The following FBLN7 variants were observed in gnomAD, a reference collection of about 807,000 sequenced individuals.
FBLN7 encodes the protein fibulin-7.
Under a neutral mutation model 44.0 loss-of-function variants are expected in FBLN7, and 31 were observed. The ratio of observed to expected loss-of-function variants is 0.70; its 90% CI spans 0.53 to 0.95. The LOEUF (loss-of-function observed/expected upper bound fraction) is 0.95, where lower values mean the gene tolerates loss of function less well. Among genes scored for constraint, FBLN7 ranks in the 40% least tolerant of loss-of-function variants. FBLN7 has a pLI of 0.00. For synonymous variants in FBLN7, 262 were observed against 253.4 expected (o/e 1.03, Z -0.32); for missense variants, 573 against 618.5 (o/e 0.93, Z 0.78).
chr2:112,182,943 A>C lies in FBLN7; in HGVS notation c.808+15A>C. The C allele has an allele frequency of 6.2e-7, 1 of 1,610,828 alleles. No homozygotes were observed. The highest frequency in any genetic ancestry group is 8.5e-7 in the Non-Finnish European group (1 of 1,179,514). On this transcript the variant is annotated intron_variant, in intron 6 of 7. Transcript: ENST00000331203. The stretch of plus-strand genomic sequence containing the variant: ...GAGCTGTGAGGGTGAGTGAGGCTAC[A>C]GAGTGTCGTCTGCACCCAGCCACCT...
At chr2:112,141,356 C>T (rs4849044) in intron 1 of FBLN7, among the ~76,000 whole-genome samples, 76,510 of 152,114 alleles carry the variant, frequency 0.5, 19,797 homozygotes, top group East Asian at 0.86. Flanking sequence ...TGCCTGCAGA[C>T]ACTTGCCCAT....
chr2:112,202,892 A>C, the FBLN7 span, among the ~76,000 whole-genome samples: 3 of 152,288 alleles, frequency 2.0e-5, no homozygotes, highest in African/African-American at 7.2e-5. Flanking sequence ...CTTACTGAAA[A>C]GCTACCTTCT....
chr2:112,205,848 G>A, the FBLN7 span, among the ~76,000 whole-genome samples: 616 of 152,092 alleles, frequency 4.1e-3, 7 homozygotes, highest in African/African-American at 0.014. Flanking sequence ...TTGTCTATAC[G>A]TACAAAAAAT....
the FBLN7 span, chr2:112,233,339 C>A: frequency 6.3e-7 from 1 of 1,595,622 alleles, no homozygotes; most frequent in Non-Finnish European, 8.5e-7. Context: ...TCTTTTCTAT[C>A]TCTGCATCAT....
intron 3 of FBLN7, 109 bp from the exon 4 acceptor site, chr2:112,175,605 G>A (rs1682700631): frequency 7.1e-7 from 1 of 1,398,942 alleles, no homozygotes; most frequent in African/African-American, 1.4e-5. Flanking sequence ...GTAGAAAGTG[G>A]GAGTTCTCCT....
rs377454288 is a variant in FBLN7 at position 112,139,956 on chromosome 2, C to G, written c.75+1226C>G. ...CCAGTGTCCCTCCCGCCTCTCTCCA[C>G]GCCAGTGTCCCTCCCGCCTCTCTCC... On this transcript the variant is annotated intron_variant, in intron 1 of 7. Transcript: ENST00000331203. Among the ~76,000 whole-genome samples, 32 of 45,524 alleles carry G rather than the reference C, an allele frequency of 7.0e-4. 1 individual carries two copies. In the East Asian group the frequency reaches 0.014, roughly 21 times the overall value. 29.9% of individuals were successfully genotyped at this position (45,524 alleles called of 152,430 possible).
intron 7 of FBLN7, among the ~76,000 whole-genome samples, chr2:112,186,182 G>A (rs1353135375): frequency 6.6e-6 from 1 of 152,054 alleles, no homozygotes; most frequent in African/African-American, 2.4e-5. Flanking sequence ...TGGGGCATTC[G>A]ACCAACAGCT....
At chr2:112,215,017 T>C in the FBLN7 span, 1 of 152,090 alleles carries the variant, frequency 6.6e-6, no homozygotes, top group Non-Finnish European at 1.5e-5. Context: ...GGGTACTGCC[T>C]CAGAAATATA....
the FBLN7 span, among the ~76,000 whole-genome samples, chr2:112,225,383 T>C: frequency 6.6e-6 from 1 of 151,974 alleles, no homozygotes; most frequent in Non-Finnish European, 1.5e-5. Flanking sequence ...GAGGCTTAGG[T>C]AGAAGGATTG....
intron 7 of FBLN7, among the ~76,000 whole-genome samples, chr2:112,186,389 G>A (rs974219870): frequency 1.2e-4 from 18 of 152,110 alleles, no homozygotes; most frequent in African/African-American, 3.9e-4. Flanking sequence ...CTTATAATTC[G>A]AGCACTCTGG....
At chr2:112,139,985 CCAGCGTCCCTCCCGCCTCTCTCCAGGT>C (rs1680549130) in intron 1 of FBLN7, among the ~76,000 whole-genome samples, 13 of 72,064 alleles carry the variant, frequency 1.8e-4, no homozygotes, top group African/African-American at 2.7e-4. Flanking sequence ...TCTCTCCAGG[CCAGCGTCCCTCCCGCCTCTCTCCAGGT>C]CAGCGTCCCT....
chr2:112,154,579 G>A (rs1681320782), intron 1 of FBLN7, among the ~76,000 whole-genome samples: 1 of 152,188 alleles, frequency 6.6e-6, no homozygotes, highest in African/African-American at 2.4e-5. Context: ...TTGGGACCTG[G>A]AACCCTGAGA....
At chr2:112,233,227 T>TATAAAGA in the FBLN7 span, 186,365 of 1,387,436 alleles carry the variant, frequency 0.13, 13,657 homozygotes, top group Non-Finnish European at 0.14. Context: ...TGTAAATATT[T>TATAAAGA]ATAAAGTCAC....
intron 2 of FBLN7, among the ~76,000 whole-genome samples, chr2:112,162,558 G>A (rs182932855): frequency 1.3e-5 from 2 of 152,246 alleles, no homozygotes; most frequent in East Asian, 1.9e-4. Flanking sequence ...ACTTCACCTC[G>A]GAAGGCGCAG....
chr2:112,240,886 T>A, the FBLN7 span, among the ~76,000 whole-genome samples: 1 of 152,072 alleles, frequency 6.6e-6, no homozygotes, highest in Non-Finnish European at 1.5e-5. Flanking sequence ...ATAACTTTTT[T>A]TATTCAAGAT....
chr2:112,190,019 G>A (rs766235738), downstream of FBLN7: 6 of 152,044 alleles, frequency 3.9e-5, no homozygotes, highest in Non-Finnish European at 7.4e-5. Context: ...CTGTAGCAGT[G>A]GGTCTCACAC....
chr2:112,185,526 T>C (rs756379030), intron 7 of FBLN7, among the ~76,000 whole-genome samples, 187 bp downstream of exon 7: 1 of 152,176 alleles, frequency 6.6e-6, no homozygotes, highest in Non-Finnish European at 1.5e-5. Flanking sequence ...GTTGCTGCTC[T>C]GGAGAAATAA....
chr2:112,215,397 T>G, the FBLN7 span: 2 of 152,240 alleles, frequency 1.3e-5, no homozygotes, highest in African/African-American at 4.8e-5. Context: ...GGATTTACCC[T>G]TGTTTCCTGC....
chr2:112,158,498 C>T (rs1355832668), intron 1 of FBLN7, among the ~76,000 whole-genome samples: 1 of 151,824 alleles, frequency 6.6e-6, no homozygotes, highest in Non-Finnish European at 1.5e-5. Context: ...TGCAGTGGTG[C>T]AGTCTCGGCT....
Sources: allele counts gnomAD v4.1 joint callset (sites outside exome capture counted in the v4.1 genomes callset), GRCh38; gene constraint gnomAD v4.1.1; transcripts MANE v1.5; gene names NCBI Gene and HGNC (gene_info 2026-07-23, HGNC 2026-07-21).